Variants in SHLD2 observed in about 807,000 individuals in gnomAD.
SHLD2 encodes RINN1-REV7-interacting novel NHEJ regulator 2.
A neutral mutation model predicts 73.2 loss-of-function variants in SHLD2; 30 were observed. The ratio of observed to expected loss-of-function variants is 0.41; its 90% CI spans 0.31 to 0.56. SHLD2 has a LOEUF of 0.56. SHLD2 is among the 20% of genes least tolerant of loss of function. The pLI is 0.28. For missense variants in SHLD2, 745 were observed against 1,055.9 expected (o/e 0.71, Z 4.08); for synonymous variants, 285 against 370.1 (o/e 0.77, Z 2.64).
At chr10:87,146,790 C>T (rs548896717) in intron 2 of SHLD2, among the ~76,000 whole-genome samples, 7 of 151,892 alleles carry the variant, frequency 4.6e-5, no homozygotes, top group African/African-American at 1.7e-4. Context: ...AGCGTGGTGG[C>T]TCATGCCTCT....
chr10:87,094,665 T>A, upstream of SHLD2: 1 of 1,566,248 alleles, frequency 6.4e-7, no homozygotes. The surrounding 1 kb of genome is among the most constrained non-coding windows in gnomAD (Gnocchi z 6.6). Flanking sequence ...CGGCGGGCTG[T>A]CCCCGGGCCC....
At chr10:87,185,902 C>T (rs1023648453) in intron 8 of SHLD2, among the ~76,000 whole-genome samples, 12 of 152,088 alleles carry the variant, frequency 7.9e-5, no homozygotes, top group Non-Finnish European at 1.8e-4. Context: ...GAGATGAGGT[C>T]TCATTGTGTT....
intron 8 of SHLD2, among the ~76,000 whole-genome samples, chr10:87,186,005 GC>G (rs1848596974): frequency 6.6e-6 from 1 of 152,154 alleles, no homozygotes; most frequent in Non-Finnish European, 1.5e-5. Flanking sequence ...CACCGCGCAT[GC>G]CCAATTTCTT....
intron 4 of SHLD2, among the ~76,000 whole-genome samples, 182 bp from the exon 5 acceptor site, chr10:87,170,296 G>A (rs1847501627): frequency 6.6e-6 from 1 of 152,176 alleles, no homozygotes; most frequent in Non-Finnish European, 1.5e-5. Flanking sequence ...AAAATATCAA[G>A]TTTGTTTTTA....
chr10:87,155,299 C>T (rs186066291), intron 3 of SHLD2, among the ~76,000 whole-genome samples: 5 of 152,136 alleles, frequency 3.3e-5, no homozygotes, highest in African/African-American at 1.2e-4. Context: ...ATAGCCACAT[C>T]CCACTGGCAG....
At chr10:87,168,492 G>A (rs2134536835) in intron 4 of SHLD2, among the ~76,000 whole-genome samples, 1 of 151,196 alleles carries the variant, frequency 6.6e-6, no homozygotes, top group African/African-American at 2.4e-5. Flanking sequence ...CCAGCTATTT[G>A]GGAGGCTGAA....
At chr10:87,096,072 G>C (rs1412260234) in intron 1 of SHLD2, among the ~76,000 whole-genome samples, 2 of 152,218 alleles carry the variant, frequency 1.3e-5, no homozygotes, top group Non-Finnish European at 2.9e-5. Context: ...ATGGAATCTT[G>C]CTCTGTCGCC....
Position 87,180,219 on chromosome 10 carries a change from G to T in SHLD2, c.2315G>T (p.Gly772Val), listed in dbSNP as rs1848216489. 1.9e-6 allele frequency: 3 copies of T among 1,612,550 alleles called. No homozygotes were observed. The highest frequency in any genetic ancestry group is 2.5e-6 in the Non-Finnish European group (3 of 1,178,742). The change falls in exon 8 of 10, where the codon GGA (glycine) becomes GTA (valine). Residue 772 changes from glycine to valine, a missense_variant. By Grantham distance (109) the Gly-to-Val change is moderately radical (BLOSUM62 -3). Coordinates refer to ENST00000298786, the MANE Select transcript of SHLD2 (RefSeq NM_001330112.2). ...NIVYTGCAKC[G>V]LELETDENRI... ...GTATATACTGGTTGTGCAAAATGTG[G>T]ATTGGAACTAGAAACAGATGAGAAC...
rs559758326 is a variant in SHLD2, at chr10:87,102,147, A to G, written c.-6+5158A>G. Among the ~76,000 whole-genome samples the G allele has an allele frequency of 1.1e-4, 17 of 152,214 alleles. No individual in the cohort carries two copies. The East Asian group carries it at 3.3e-3, about 29-fold the overall frequency. ...AATTACTTTTACCAATCTCTTATTG[A>G]TGGACATGAAGGTTATTTCCAAACT... is the stretch of plus-strand genomic sequence containing the variant. On this transcript the variant is annotated intron_variant, in intron 2 of 9. Coordinates refer to ENST00000298786, the MANE Select transcript of SHLD2 (RefSeq NM_001330112.2).
chr10:87,191,209 A>C lies in SHLD2; in HGVS notation c.*526A>C, dbSNP rs1849043256. 6.2e-6 allele frequency: 1 copy of C among 161,720 alleles called. No homozygotes were observed. 10.0% of individuals were successfully genotyped at this position (161,720 alleles called of 1,614,324 possible). A position where few individuals can be genotyped will look rare whatever the true frequency, so the allele number is the denominator to read the frequency against. On this transcript the variant is annotated 3_prime_UTR_variant, in exon 10 of 10. Coordinates refer to ENST00000298786, the MANE Select transcript of SHLD2 (RefSeq NM_001330112.2). ...AAAAGTATTGAAAATGAAGGAAATG[A>C]GATCATGTTTCAATTTATTAAAGCA...
intron 2 of SHLD2, among the ~76,000 whole-genome samples, chr10:87,108,012 T>C (rs1310103270): frequency 6.6e-6 from 1 of 152,084 alleles, no homozygotes; most frequent in Non-Finnish European, 1.5e-5. Context: ...GCCTCCCAAG[T>C]AGCTGGAATT....
At chr10:87,119,052 A>G (rs1268907047) in intron 2 of SHLD2, among the ~76,000 whole-genome samples, 1 of 151,000 alleles carries the variant, frequency 6.6e-6, no homozygotes, top group Non-Finnish European at 1.5e-5. Flanking sequence ...TGTTTAAGGA[A>G]ATAGTCTCAA....
At chr10:87,141,828 C>G (rs1589538214) in intron 2 of SHLD2, among the ~76,000 whole-genome samples, 2 of 152,006 alleles carry the variant, frequency 1.3e-5, no homozygotes, top group East Asian at 3.9e-4. Context: ...GTCAGGAGTT[C>G]AAGACTAGCC....
chr10:87,146,020 T>G (rs964181641), intron 2 of SHLD2, among the ~76,000 whole-genome samples: 1 of 152,192 alleles, frequency 6.6e-6, no homozygotes, highest in Admixed American at 6.5e-5. Flanking sequence ...ACTCACATAC[T>G]CACAACTCCT....
At chr10:87,171,646 T>C (rs1358500265) in intron 6 of SHLD2, among the ~76,000 whole-genome samples, 4 of 152,238 alleles carry the variant, frequency 2.6e-5, no homozygotes, top group Non-Finnish European at 5.9e-5. Flanking sequence ...TTTTCCCTGC[T>C]AAATTAATTT....
chr10:87,162,652 C>G (rs1165252216), intron 4 of SHLD2, among the ~76,000 whole-genome samples: 1 of 152,236 alleles, frequency 6.6e-6, no homozygotes, highest in East Asian at 1.9e-4. Context: ...TGTATTCATG[C>G]CACTGCACTC....
chr10:87,164,084 A>C (rs1447378782), intron 4 of SHLD2, among the ~76,000 whole-genome samples: 1 of 151,622 alleles, frequency 6.6e-6, no homozygotes, highest in African/African-American at 2.4e-5. Flanking sequence ...CAGCCTCCCA[A>C]GTAGCTGGGA....
intron 2 of SHLD2, among the ~76,000 whole-genome samples, chr10:87,131,421 G>A (rs1844420201): frequency 6.6e-6 from 1 of 152,014 alleles, no homozygotes. Flanking sequence ...TTGTTTCTAT[G>A]GATTTGCCTT....
At chr10:87,146,832 G>A (rs570316899) in intron 2 of SHLD2, among the ~76,000 whole-genome samples, 9 of 151,778 alleles carry the variant, frequency 5.9e-5, no homozygotes, top group South Asian at 4.2e-4. Context: ...CGAAGCAGGC[G>A]GATCAGCTGA....
Sources: gnomAD v4.1 joint callset for allele counts (sites outside exome capture counted in the v4.1 genomes callset) on GRCh38, gnomAD v4.1.1 for gene constraint, Gnocchi (gnomAD v3.1) non-coding constraint, MANE v1.5 for transcripts, NCBI Gene and HGNC (gene_info 2026-07-23, HGNC 2026-07-21) for gene names.